Variants in LHFPL2 observed in about 807,000 individuals in gnomAD.
The protein encoded by LHFPL2 is LHFPL tetraspan subfamily member 2.
LHFPL2 carries 7 observed loss-of-function variants against 17.5 expected under a neutral mutation model. The observed-to-expected ratio is 0.40, with a 90% CI of 0.23 to 0.75. The LOEUF (loss-of-function observed/expected upper bound fraction) is 0.75, where lower values mean the gene tolerates loss of function less well. LHFPL2 is among the 30% of genes least tolerant of loss of function. The pLI, the probability that LHFPL2 is intolerant of heterozygous loss-of-function variation, is 0.37. For synonymous variants in LHFPL2, 134 were observed against 116.2 expected (o/e 1.15, Z -0.99); for missense variants, 241 against 294.8 (o/e 0.82, Z 1.34).
At chr5:78,535,551 G>A (rs1580784969) in intron 3 of LHFPL2, among the ~76,000 whole-genome samples, 1 of 152,172 alleles carries the variant, frequency 6.6e-6, no homozygotes, top group East Asian at 1.9e-4. Context: ...AAGGGGCCAG[G>A]AGAGAGAAGG....
chr5:78,531,845 T>C (rs1185030258), intron 3 of LHFPL2, among the ~76,000 whole-genome samples: 1 of 152,102 alleles, frequency 6.6e-6, no homozygotes, highest in Non-Finnish European at 1.5e-5. Flanking sequence ...CACTGCAACC[T>C]CTGCCTCCTG....
intron 2 of LHFPL2, among the ~76,000 whole-genome samples, chr5:78,568,749 CA>C (rs1247189718): frequency 6.6e-6 from 1 of 152,142 alleles, no homozygotes; most frequent in African/African-American, 2.4e-5. Context: ...AAAGTCTCAG[CA>C]ACTGTCCTCT....
chr5:78,647,319 G>T (rs1745919197), intron 1 of LHFPL2, among the ~76,000 whole-genome samples: 1 of 152,214 alleles, frequency 6.6e-6, no homozygotes, highest in Non-Finnish European at 1.5e-5. Flanking sequence ...CAACATCAAA[G>T]AAGTCAGTAT....
At chr5:78,503,990 T>C (rs1408235509) in intron 4 of LHFPL2, among the ~76,000 whole-genome samples, 1 of 152,214 alleles carries the variant, frequency 6.6e-6, no homozygotes, top group Non-Finnish European at 1.5e-5. Flanking sequence ...AATTGAATTC[T>C]GACCTACCTT....
intron 1 of LHFPL2, among the ~76,000 whole-genome samples, chr5:78,645,567 C>CAT (rs1745839289): frequency 6.6e-6 from 1 of 151,432 alleles, no homozygotes; most frequent in Admixed American, 6.6e-5. Flanking sequence ...CACACACACA[C>CAT]ACACACACAC....
At chr5:78,582,893 G>A (rs894859999) in intron 2 of LHFPL2, among the ~76,000 whole-genome samples, 6 of 152,164 alleles carry the variant, frequency 3.9e-5, no homozygotes. Context: ...GGCTGTTGAA[G>A]TCTCCCATTA....
At position 78,583,899 on chromosome 5, in the gene LHFPL2, C is replaced by G. The variant is rs1469367239; in HGVS notation, c.-244-19028G>C. Among the ~76,000 whole-genome samples the G allele has an allele frequency of 6.6e-5, 10 of 151,346 alleles. No individual in the cohort carries two copies. The South Asian group carries it at 1.9e-3, about 29-fold the overall frequency. ...GTGTTTTCCAACTTGGTTCCATTCT[C>G]CCCATCACTTTCAGGTACACCAATC... is the stretch of plus-strand genomic sequence containing the variant. On this transcript the variant is annotated intron_variant, in intron 2 of 4. Transcript: ENST00000380345.
At chr5:78,530,773 G>A (rs1755758050) in intron 3 of LHFPL2, among the ~76,000 whole-genome samples, 1 of 152,200 alleles carries the variant, frequency 6.6e-6, no homozygotes, top group Non-Finnish European at 1.5e-5. Context: ...ATGAAGATAT[G>A]ACTGCCCATT....
intron 3 of LHFPL2, among the ~76,000 whole-genome samples, chr5:78,539,627 C>A (rs1756047382): frequency 6.6e-6 from 1 of 152,116 alleles, no homozygotes; most frequent in South Asian, 2.1e-4. Context: ...CTGAGGACTT[C>A]CAAACCCCCC....
At chr5:78,579,923 C>A (rs1211663516) in intron 2 of LHFPL2, among the ~76,000 whole-genome samples, 4 of 152,228 alleles carry the variant, frequency 2.6e-5, no homozygotes, top group Non-Finnish European at 4.4e-5. Context: ...GGAATCGCCA[C>A]ACTGACTTCC....
intron 2 of LHFPL2, among the ~76,000 whole-genome samples, chr5:78,622,591 G>C (rs1580867440): frequency 6.6e-6 from 1 of 152,142 alleles, no homozygotes; most frequent in East Asian, 1.9e-4. Flanking sequence ...CCAGAATTCA[G>C]TCCTTCCTTA....
In LHFPL2 at chr5:78,509,892, T is replaced by C. The variant is rs773717482; in HGVS notation, c.322A>G (p.Ile108Val). Residue 108 changes from isoleucine to valine, a missense_variant, in exon 4 of 5, where the codon ATC (isoleucine) becomes GTC (valine). Transcript: ENST00000380345. ...AAGGCCACCATGCAGAGAATAAAGA[T>C]TCCCACAGCCAGGAAAATAGCTGTG... ...QATAIFLAVG[I>V]FILCMVALVS... The C allele has an allele frequency of 9.9e-6, 16 of 1,613,566 alleles. No individual in the cohort carries two copies. The Middle Eastern group carries it at 1.2e-3, about 116-fold the overall frequency.
rs1467089589 is a variant in LHFPL2, at chr5:78,632,380, T to A, written c.-349-12A>T. Reference sequence around the variant, plus strand: ...GATTCCCAACTCACCTGAAAAACAATTGGAAAAAGTCATTTTTATTATTAA... The same window carrying A: ...GATTCCCAACTCACCTGAAAAACAAATGGAAAAAGTCATTTTTATTATTAA... On this transcript the variant is annotated splice_polypyrimidine_tract_variant and intron_variant, in intron 1 of 4. Transcript: ENST00000380345. The A allele has an allele frequency of 6.6e-6, 1 of 152,108 alleles. No homozygotes were observed. Among genetic ancestry groups the A allele is most frequent in the Admixed American group, 6.5e-5 (1 of 15,276 alleles). The allele number at this position is 152,108 out of a possible 1,614,324, so 9.4% of individuals were successfully genotyped here.
At chr5:78,493,595 T>C (rs1245399141) in intron 4 of LHFPL2, among the ~76,000 whole-genome samples, 1 of 152,234 alleles carries the variant, frequency 6.6e-6, no homozygotes. Context: ...ACAGTGCAGT[T>C]TGCTTTGTAA....
At chr5:78,501,632 C>T (rs1018068748) in intron 4 of LHFPL2, among the ~76,000 whole-genome samples, 5 of 152,188 alleles carry the variant, frequency 3.3e-5, no homozygotes, top group South Asian at 2.1e-4. Flanking sequence ...TATTCACAGA[C>T]GTGATCATAT....
intron 2 of LHFPL2, among the ~76,000 whole-genome samples, chr5:78,587,573 C>G (rs1196793749): frequency 1.3e-5 from 2 of 152,246 alleles, no homozygotes; most frequent in Non-Finnish European, 2.9e-5. Context: ...CACATCTGCT[C>G]TTCTGCAGCC....
At chr5:78,497,524 T>C (rs1754645192) in intron 4 of LHFPL2, among the ~76,000 whole-genome samples, 1 of 152,240 alleles carries the variant, frequency 6.6e-6, no homozygotes, top group South Asian at 2.1e-4. Flanking sequence ...CAGTTTGTTC[T>C]TTGTGTCCCA....
chr5:78,623,472 GAA>G (rs1486421039), intron 2 of LHFPL2, among the ~76,000 whole-genome samples: 1 of 152,122 alleles, frequency 6.6e-6, no homozygotes, highest in Non-Finnish European at 1.5e-5. Flanking sequence ...AAAAGAGAAA[GAA>G]AGAGAGAGAG....
intron 2 of LHFPL2, among the ~76,000 whole-genome samples, chr5:78,575,135 G>A (rs1580820642): frequency 6.6e-6 from 1 of 152,210 alleles, no homozygotes; most frequent in African/African-American, 2.4e-5. Context: ...TGGCAAGAAG[G>A]AGGCTGCAGG....
Sources: allele counts gnomAD v4.1 joint callset (sites outside exome capture counted in the v4.1 genomes callset), GRCh38; gene constraint gnomAD v4.1.1; transcripts MANE v1.5; gene names NCBI Gene and HGNC (gene_info 2026-07-23, HGNC 2026-07-21).